FOXO3: variants seen among roughly 807,000 people sequenced by gnomAD.
FOXO3 encodes the protein forkhead box protein O3.
FOXO3 carries 4 observed loss-of-function variants against 41.9 expected under a neutral mutation model. That is an observed-to-expected ratio of 0.10 (90% CI 0.05 to 0.22). FOXO3 has a LOEUF of 0.22. FOXO3 is among the 10% of genes least tolerant of loss of function. FOXO3 has a pLI of 1.00. For missense variants in FOXO3, 534 were observed against 906.8 expected (o/e 0.59, Z 5.28); for synonymous variants, 318 against 389.3 (o/e 0.82, Z 2.16).
intron 1 of FOXO3, among the ~76,000 whole-genome samples, chr6:108,608,025 G>T (rs1331072828): frequency 6.6e-6 from 1 of 152,158 alleles, no homozygotes; most frequent in East Asian, 1.9e-4. Context: ...CTTCAGTCCT[G>T]CCCTATTTAC....
At chr6:108,670,904 A>G (rs988951090) in intron 2 of FOXO3, among the ~76,000 whole-genome samples, 4 of 152,252 alleles carry the variant, frequency 2.6e-5, no homozygotes, top group Non-Finnish European at 5.9e-5. Flanking sequence ...GAAGTGCTCA[A>G]GAAAGGCCTG....
chr6:108,674,557 A>G (rs1299308822), intron 2 of FOXO3, among the ~76,000 whole-genome samples: 1 of 152,198 alleles, frequency 6.6e-6, no homozygotes, highest in Non-Finnish European at 1.5e-5. Flanking sequence ...CAGGCACATT[A>G]TGATTAGATA....
intron 1 of FOXO3, among the ~76,000 whole-genome samples, chr6:108,618,718 A>G (rs1777585989): frequency 6.6e-6 from 1 of 152,240 alleles, no homozygotes; most frequent in African/African-American, 2.4e-5. Context: ...TCTTAGGCCA[A>G]CTGCTTTCTG....
chr6:108,629,380 GATC>G (rs1427063597), intron 1 of FOXO3, among the ~76,000 whole-genome samples: 2 of 152,172 alleles, frequency 1.3e-5, no homozygotes, highest in African/African-American at 4.8e-5. Context: ...GGGCTCTTAA[GATC>G]TGAGCACAGT....
chr6:108,661,619 A>G (rs1778868035), intron 1 of FOXO3, among the ~76,000 whole-genome samples: 1 of 152,184 alleles, frequency 6.6e-6, no homozygotes, highest in Non-Finnish European at 1.5e-5. Flanking sequence ...GAAATATATC[A>G]TGTGTCACCC....
chr6:108,630,452 T>C (rs9285397), intron 1 of FOXO3, among the ~76,000 whole-genome samples: 34,018 of 152,058 alleles, frequency 0.22, 4,610 homozygotes, highest in African/African-American at 0.38. Context: ...TGTGAGACTT[T>C]CAAGGGAATT....
Position 108,561,349 on chromosome 6 carries a change from C to G in FOXO3, c.141C>G (p.Pro47=), listed in dbSNP as rs765304523. ...RPELQASPAK[P]SGETAADSMI... The stretch of plus-strand genomic sequence containing the variant: ...AGCTCCAAGCGAGCCCTGCCAAGCC[C>G]TCGGGGGAGACGGCCGCCGACTCCA... Residue 47 remains proline, a synonymous_variant, in exon 1 of 3, where the codon CCC becomes CCG. Transcript: ENST00000406360. 3.8e-6 allele frequency: 6 copies of G among 1,569,646 alleles called. No individual in the cohort carries two copies. The South Asian group carries it at 4.7e-5, about 12-fold the overall frequency.
intron 1 of FOXO3, among the ~76,000 whole-genome samples, chr6:108,578,441 G>T (rs762396083): frequency 6.6e-6 from 1 of 152,150 alleles, no homozygotes; most frequent in South Asian, 2.1e-4. Flanking sequence ...CAAAGCTCTA[G>T]CCCCTTGAGT....
At chr6:108,567,407 G>A (rs1775976329) in intron 1 of FOXO3, among the ~76,000 whole-genome samples, 1 of 152,204 alleles carries the variant, frequency 6.6e-6, no homozygotes, top group South Asian at 2.1e-4. Flanking sequence ...CCCCAGTTCT[G>A]TCTCCCAGGG....
At chr6:108,622,138 C>A (rs1582788297) in intron 1 of FOXO3, among the ~76,000 whole-genome samples, 1 of 151,512 alleles carries the variant, frequency 6.6e-6, no homozygotes, top group Admixed American at 6.6e-5. Context: ...GCATGCCTGT[C>A]ATCCCAGCCA....
intron 1 of FOXO3, among the ~76,000 whole-genome samples, chr6:108,573,121 C>G (rs1776154187): frequency 6.6e-6 from 1 of 152,014 alleles, no homozygotes. Flanking sequence ...CCCATCTCTA[C>G]TAAAAATACA....
Position 108,683,338 on chromosome 6 carries a change from G to T in FOXO3, c.*3546G>T, listed in dbSNP as rs1274485496. 6.6e-6 allele frequency: 1 copy of T among 152,180 alleles called. No homozygotes were observed. Among genetic ancestry groups the T allele is most frequent in the South Asian group, 2.1e-4 (1 of 4,830 alleles). The allele number at this position is 152,180 out of a possible 1,614,324, so 9.4% of individuals were successfully genotyped here. ...CAAACTTGTACGCAGTTTAAAGATG[G>T]TGGGGACAGACTTTGCCTCTACCTA... is the stretch of plus-strand genomic sequence containing the variant. On this transcript the variant is annotated 3_prime_UTR_variant, in exon 3 of 3. Coordinates refer to ENST00000406360, the MANE Select transcript of FOXO3 (RefSeq NM_001455.4).
chr6:108,619,313 C>G (rs1777603531), intron 1 of FOXO3, among the ~76,000 whole-genome samples: 1 of 152,192 alleles, frequency 6.6e-6, no homozygotes, highest in African/African-American at 2.4e-5. Flanking sequence ...AGAAGAGACA[C>G]CTGAATTTTC....
chr6:108,560,384 G>C (rs1457631964), upstream of FOXO3, among the ~76,000 whole-genome samples: 1 of 152,192 alleles, frequency 6.6e-6, no homozygotes, highest in African/African-American at 2.4e-5. Context: ...CGTCCCCGCC[G>C]GGCTCGAACC....
intron 1 of FOXO3, among the ~76,000 whole-genome samples, chr6:108,562,073 G>A (rs1203517853): frequency 6.6e-6 from 1 of 152,152 alleles, no homozygotes; most frequent in African/African-American, 2.4e-5. Flanking sequence ...AGAGGGGGCA[G>A]GGGACGCCGG....
intron 1 of FOXO3, among the ~76,000 whole-genome samples, chr6:108,607,804 A>G (rs1434763911): frequency 2.0e-5 from 3 of 152,234 alleles, no homozygotes; most frequent in Non-Finnish European, 4.4e-5. Flanking sequence ...ATATTTATTG[A>G]TGCTTACTGT....
intron 1 of FOXO3, among the ~76,000 whole-genome samples, chr6:108,590,198 A>T (rs1582752817): frequency 6.6e-6 from 1 of 151,304 alleles, no homozygotes; most frequent in African/African-American, 2.4e-5. Context: ...TGGCATGCTC[A>T]CTGCAGACTG....
chr6:108,684,064 G>T lies in FOXO3; in HGVS notation c.*4272G>T, dbSNP rs1770973273. On this transcript the variant is annotated 3_prime_UTR_variant, in exon 3 of 3. Coordinates refer to ENST00000406360, the MANE Select transcript of FOXO3 (RefSeq NM_001455.4). Reference sequence around the variant, plus strand: ...TCCTCTTGTTTAGTTGTATCTGTTTGTATTTTTCTTTGATGAATGATTGGT... The same window carrying T: ...TCCTCTTGTTTAGTTGTATCTGTTTTTATTTTTCTTTGATGAATGATTGGT... The T allele has an allele frequency of 6.6e-6, 1 of 152,576 alleles. No individual in the cohort carries two copies. The highest frequency in any genetic ancestry group is 2.4e-5 in the African/African-American group (1 of 41,438). The allele number at this position is 152,576 out of a possible 1,614,324, so 9.5% of individuals were successfully genotyped here. A position where few individuals can be genotyped will look rare whatever the true frequency, so the allele number is the denominator to read the frequency against.
chr6:108,615,814 T>G (rs564172001), intron 1 of FOXO3, among the ~76,000 whole-genome samples: 2 of 152,110 alleles, frequency 1.3e-5, no homozygotes, highest in African/African-American at 4.8e-5. Context: ...TTGCTGTTGT[T>G]GTGTCTTATA....
Sources: allele counts gnomAD v4.1 joint callset (sites outside exome capture counted in the v4.1 genomes callset), GRCh38; gene constraint gnomAD v4.1.1; transcripts MANE v1.5; gene names NCBI Gene and HGNC (gene_info 2026-07-23, HGNC 2026-07-21).